The following CTXN2 variants were observed in gnomAD, a reference collection of about 807,000 sequenced individuals.
CTXN2 encodes the protein cortexin-2.
CTXN2 carries 3 observed loss-of-function variants against 5.7 expected under a neutral mutation model. The observed-to-expected ratio is 0.53, with a 90% CI of 0.24 to 1.36. CTXN2 has a LOEUF of 1.36. Ranked by LOEUF, CTXN2 falls within the 40% of genes most tolerant of loss-of-function variation. The pLI, the probability that CTXN2 is intolerant of heterozygous loss-of-function variation, is 0.17. For synonymous variants in CTXN2, 38 were observed against 36.4 expected, an observed-to-expected ratio of 1.04 and a Z score of -0.16; for missense variants, 87 against 93.0, an observed-to-expected ratio of 0.94 and a Z score of 0.26.
At chr15:48,182,967 G>A (rs908733316) in intron 1 of CTXN2, among the ~76,000 whole-genome samples, 7 of 152,122 alleles carry the variant, frequency 4.6e-5, no homozygotes, top group African/African-American at 9.7e-5. Flanking sequence ...TCCATCTGCC[G>A]TTTGCTGATA....
chr15:48,193,183 G>A (rs950627705), intron 1 of CTXN2, among the ~76,000 whole-genome samples: 3 of 152,094 alleles, frequency 2.0e-5, no homozygotes, highest in African/African-American at 7.2e-5. Context: ...TCAGTACTTA[G>A]AAATCTTGGT....
chr15:48,180,095 A>G (rs964000384), intron 1 of CTXN2, among the ~76,000 whole-genome samples: 1 of 152,252 alleles, frequency 6.6e-6, no homozygotes, highest in African/African-American at 2.4e-5. Context: ...GCAAAGTATA[A>G]TTAAAAAATT....
intron 1 of CTXN2, among the ~76,000 whole-genome samples, chr15:48,197,716 AT>A (rs1676669783): frequency 6.6e-6 from 1 of 152,108 alleles, no homozygotes; most frequent in African/African-American, 2.4e-5. Context: ...TTGCTGCTAT[AT>A]TTGTACCAAT....
rs2040939112 is a variant in CTXN2 at position 48,202,839 on chromosome 15, A to G, written c.*1293A>G. Reference sequence around the variant, plus strand: ...ATTATATAGTTCTAAATTCTTTCCAACTACAAACTTCTGACTCTCTATGAG... The same window carrying G: ...ATTATATAGTTCTAAATTCTTTCCAGCTACAAACTTCTGACTCTCTATGAG... On this transcript the variant is annotated 3_prime_UTR_variant, in exon 2 of 2. Coordinates refer to ENST00000417307, the MANE Select transcript of CTXN2 (RefSeq NM_001145668.2). 1 of 165,508 alleles carries G rather than the reference A, an allele frequency of 6.0e-6. No individual in the cohort carries two copies. The highest frequency in any genetic ancestry group is 2.4e-5 in the African/African-American group (1 of 41,450). The allele number at this position is 165,508 out of a possible 1,614,324, so 10.3% of individuals were successfully genotyped here. A position where few individuals can be genotyped will look rare whatever the true frequency, so the allele number is the denominator to read the frequency against.
At chr15:48,195,502 C>A (rs2140983217) in intron 1 of CTXN2, among the ~76,000 whole-genome samples, 2 of 152,268 alleles carry the variant, frequency 1.3e-5, no homozygotes, top group Middle Eastern at 6.8e-3. Flanking sequence ...ACCTACCTTT[C>A]CAACGCTTTG....
At chr15:48,192,022 T>C (rs2040828661) in intron 1 of CTXN2, 169 bp downstream of exon 1, 2 of 348,426 alleles carry the variant, frequency 5.7e-6, no homozygotes, top group Non-Finnish European at 1.1e-5. Context: ...GTCTGATAAG[T>C]TCAAATTCTA....
rs760172050 is a variant in CTXN2 at position 48,202,242 on chromosome 15, G to C, written c.*696G>C. On this transcript the variant is annotated 3_prime_UTR_variant, in exon 2 of 2. Coordinates refer to ENST00000417307, the MANE Select transcript of CTXN2 (RefSeq NM_001145668.2). ...AATAGAATTTAAAAGGGAGTTTCCA[G>C]CATGACCTAGTGGAAAGAGTACTCT... The C allele has an allele frequency of 6.0e-6, 1 of 167,182 alleles. No individual in the cohort carries two copies. The highest frequency in any genetic ancestry group is 2.4e-5 in the African/African-American group (1 of 41,438). 10.4% of individuals were successfully genotyped at this position (167,182 alleles called of 1,614,324 possible). A position where few individuals can be genotyped will look rare whatever the true frequency, so the allele number is the denominator to read the frequency against.
intron 1 of CTXN2, among the ~76,000 whole-genome samples, chr15:48,186,333 C>A (rs1034456117): frequency 1.3e-5 from 2 of 152,208 alleles, no homozygotes; most frequent in Non-Finnish European, 2.9e-5. Flanking sequence ...CAATGGGACT[C>A]ATCAACCAGA....
At chr15:48,181,328 C>A (rs1262823147) in intron 1 of CTXN2, among the ~76,000 whole-genome samples, 2 of 152,138 alleles carry the variant, frequency 1.3e-5, no homozygotes, top group Non-Finnish European at 2.9e-5. Context: ...CCCTATGACC[C>A]AAGATGGCTG....
chr15:48,182,428 G>A (rs975705548), intron 1 of CTXN2, among the ~76,000 whole-genome samples: 2 of 152,068 alleles, frequency 1.3e-5, no homozygotes, highest in African/African-American at 2.4e-5. Context: ...AAATTGTACC[G>A]TATTACAGCC....
chr15:48,194,217 T>A (rs1295221118), intron 1 of CTXN2, among the ~76,000 whole-genome samples: 1 of 152,072 alleles, frequency 6.6e-6, no homozygotes, highest in Non-Finnish European at 1.5e-5. Flanking sequence ...TCAACCCATT[T>A]TTTTTTTGTT....
At chr15:48,192,035 GGA>G (rs1216705125) in intron 1 of CTXN2, 182 bp downstream of exon 1, 4 of 341,128 alleles carry the variant, frequency 1.2e-5, no homozygotes, top group African/African-American at 8.6e-5. Context: ...AAATTCTAAA[GGA>G]GAAACAGCAC....
chr15:48,196,574 T>C (rs922925199), intron 1 of CTXN2, among the ~76,000 whole-genome samples: 2 of 152,108 alleles, frequency 1.3e-5, no homozygotes, highest in East Asian at 1.9e-4. Context: ...ATCTCATATC[T>C]TCCCCACAAA....
chr15:48,184,373 A>G (rs2040728031), intron 1 of CTXN2, among the ~76,000 whole-genome samples: 1 of 152,212 alleles, frequency 6.6e-6, no homozygotes, highest in African/African-American at 2.4e-5. Context: ...AACCCTGAAA[A>G]AGAAAAAGAA....
At chr15:48,184,163 A>C (rs2140969165) in intron 1 of CTXN2, among the ~76,000 whole-genome samples, 1 of 152,320 alleles carries the variant, frequency 6.6e-6, no homozygotes, top group South Asian at 2.1e-4. Context: ...ACTTTTAGGT[A>C]GTGTAGAAAA....
intron 1 of CTXN2, chr15:48,192,095 GTGT>G (rs1449751748): frequency 1.3e-5 from 4 of 305,886 alleles, no homozygotes; most frequent in Non-Finnish European, 2.6e-5. Context: ...CGGGGGAAAA[GTGT>G]TGTGTACGTG....
intron 1 of CTXN2, among the ~76,000 whole-genome samples, chr15:48,180,098 A>T (rs1054155799): frequency 6.6e-6 from 1 of 152,256 alleles, no homozygotes; most frequent in African/African-American, 2.4e-5. Context: ...AAGTATAATT[A>T]AAAAATTATT....
At chr15:48,190,110 C>T (rs1024158388), upstream of CTXN2, 3 of 152,240 alleles carry the variant, frequency 2.0e-5, no homozygotes, top group Non-Finnish European at 4.4e-5. Flanking sequence ...CTCCTGGCTG[C>T]ATCTTGCTAC....
chr15:48,194,057 G>A (rs1005283648), intron 1 of CTXN2, among the ~76,000 whole-genome samples: 2 of 152,072 alleles, frequency 1.3e-5, no homozygotes, highest in Non-Finnish European at 2.9e-5. Flanking sequence ...TGCAGCAATG[G>A]ACAAATTTTT....
Sources: allele counts gnomAD v4.1 joint callset (sites outside exome capture counted in the v4.1 genomes callset), GRCh38; gene constraint gnomAD v4.1.1; transcripts MANE v1.5; gene names NCBI Gene and HGNC (gene_info 2026-07-23, HGNC 2026-07-21).